Variants in GLRA3 observed in about 807,000 individuals in gnomAD.
GLRA3 encodes glycine receptor alpha 3.
GLRA3 carries 44 observed loss-of-function variants against 60.4 expected under a neutral mutation model. The observed-to-expected ratio is 0.73, with a 90% CI of 0.57 to 0.94. The LOEUF (loss-of-function observed/expected upper bound fraction) is 0.94. Ranked by LOEUF, GLRA3 falls within the 40% of genes least tolerant of loss-of-function variation. GLRA3 has a pLI of 0.00. For missense variants in GLRA3, 508 were observed against 564.6 expected (o/e 0.90, Z 1.02); for synonymous variants, 223 against 192.9 (o/e 1.16, Z -1.29).
rs137990129 is a variant in GLRA3, at chr4:174,684,557, T to C, written c.575-1618A>G. 2.8e-3 allele frequency among the ~76,000 whole-genome samples: 430 copies of C among 152,344 alleles called. 4 individuals are homozygous for C. Among genetic ancestry groups the C allele is most frequent in the Middle Eastern group, 6.8e-3 (2 of 294 alleles). ...CTCTGAGTGAGAAGCTATTGAAATG[T>C]ATGTTTAAAGACTACTGCACAAAAT... On this transcript the variant is annotated intron_variant, in intron 5 of 9. Transcript: ENST00000274093.
At chr4:174,798,681 T>C (rs1025748673) in intron 1 of GLRA3, among the ~76,000 whole-genome samples, 1 of 152,168 alleles carries the variant, frequency 6.6e-6, no homozygotes, top group Non-Finnish European at 1.5e-5. Flanking sequence ...TCCCAGCACT[T>C]TGGGAGGCCA....
chr4:174,750,254 A>G (rs930970446), intron 3 of GLRA3, among the ~76,000 whole-genome samples: 1 of 152,168 alleles, frequency 6.6e-6, no homozygotes, highest in Non-Finnish European at 1.5e-5. Context: ...TGATTGCTAT[A>G]GGTGTGTTTA....
At chr4:174,815,775 T>C (rs564211769) in intron 1 of GLRA3, among the ~76,000 whole-genome samples, 1 of 152,250 alleles carries the variant, frequency 6.6e-6, no homozygotes, top group South Asian at 2.1e-4. Context: ...CACAAAAACA[T>C]TGTTTCCTCC....
Position 174,681,360 on chromosome 4 carries a change from G to A in GLRA3, c.712+1442C>T, listed in dbSNP as rs184695263. On this transcript the variant is annotated intron_variant, in intron 6 of 9. Coordinates refer to ENST00000274093, the MANE Select transcript of GLRA3 (RefSeq NM_006529.4). ...CCTAAGATTCATGTCCACCCAGAATGTGTGAATGTGAACTGACTTGAAAAT... is the reference window on the plus strand; with the variant it reads ...CCTAAGATTCATGTCCACCCAGAATATGTGAATGTGAACTGACTTGAAAAT... Among the ~76,000 whole-genome samples, 134 of 152,264 alleles carry A rather than the reference G, an allele frequency of 8.8e-4. 1 individual carries two copies. Among genetic ancestry groups the A allele is most frequent in the Non-Finnish European group, 1.0e-3 (68 of 68,034 alleles).
chr4:174,788,884 G>A lies in GLRA3; in HGVS notation c.131C>T (p.Ser44Phe), dbSNP rs751264797. ...GCCCATTAATTTATCCAGAAAATCA[G>A]AAGGTGACATTGGAGCACTTCGAGA... is the stretch of plus-strand genomic sequence containing the variant. Reference protein sequence around the residue: ...ARSRSAPMSPSDFLDKLMGRT... With the variant: ...ARSRSAPMSPFDFLDKLMGRT... The change falls in exon 2 of 10, where the codon TCT (serine) becomes TTT (phenylalanine). Residue 44 changes from serine to phenylalanine, a missense_variant. Physicochemically the swap from Ser to Phe is radical, Grantham distance 155. Coordinates refer to ENST00000274093, the MANE Select transcript of GLRA3 (RefSeq NM_006529.4). 4 of 1,609,074 alleles carry A rather than the reference G, an allele frequency of 2.5e-6. No homozygotes were observed. The East Asian group carries it at 8.9e-5, about 36-fold the overall frequency.
chr4:174,821,750 A>G (rs1225781589), intron 1 of GLRA3, among the ~76,000 whole-genome samples: 2 of 152,168 alleles, frequency 1.3e-5, no homozygotes, highest in Non-Finnish European at 2.9e-5. Flanking sequence ...CAAAGAACCA[A>G]ACCCTTCTCT....
chr4:174,799,412 A>G (rs917930210), intron 1 of GLRA3, among the ~76,000 whole-genome samples: 25 of 152,208 alleles, frequency 1.6e-4, no homozygotes, highest in Admixed American at 1.5e-3. Flanking sequence ...AAGAAATTCG[A>G]AGGCAATCCC....
chr4:174,815,895 G>C (rs1331578294), intron 1 of GLRA3, among the ~76,000 whole-genome samples: 1 of 152,160 alleles, frequency 6.6e-6, no homozygotes, highest in Non-Finnish European at 1.5e-5. Context: ...CATTACTTAT[G>C]TAAATTTCTG....
intron 5 of GLRA3, among the ~76,000 whole-genome samples, chr4:174,699,830 GTTAATTA>G (rs571085171): frequency 6.7e-5 from 10 of 149,292 alleles, no homozygotes; most frequent in South Asian, 2.1e-4. Context: ...TAATTTATTT[GTTAATTA>G]TTAATTAATA....
At chr4:174,727,013 T>C (rs1485940) in intron 4 of GLRA3, among the ~76,000 whole-genome samples, 87,055 of 151,972 alleles carry the variant, frequency 0.57, 25,908 homozygotes, top group South Asian at 0.7. Flanking sequence ...GTTAATCACT[T>C]AAGATTATAT....
At chr4:174,654,736 T>C (rs567832295) in intron 9 of GLRA3, among the ~76,000 whole-genome samples, 2 of 152,194 alleles carry the variant, frequency 1.3e-5, no homozygotes, top group South Asian at 2.1e-4. Context: ...AGTAATGATA[T>C]CATACATGGG....
At chr4:174,676,921 G>C (rs1256355008) in intron 7 of GLRA3, among the ~76,000 whole-genome samples, 157 bp downstream of exon 7, 1 of 152,008 alleles carries the variant, frequency 6.6e-6, no homozygotes, top group Non-Finnish European at 1.5e-5. Flanking sequence ...ATTTATTTCT[G>C]TTTTACATGT....
At chr4:174,690,985 G>A (rs981219874) in intron 5 of GLRA3, among the ~76,000 whole-genome samples, 1 of 152,152 alleles carries the variant, frequency 6.6e-6, no homozygotes, top group Non-Finnish European at 1.5e-5. Flanking sequence ...ACATTCGTGT[G>A]CATGTGTCTT....
intron 3 of GLRA3, among the ~76,000 whole-genome samples, chr4:174,754,628 C>G (rs1207846495): frequency 1.3e-5 from 2 of 151,956 alleles, no homozygotes; most frequent in Non-Finnish European, 2.9e-5. Context: ...ATAAATGTAC[C>G]TTTGTAAGAA....
chr4:174,751,069 A>G (rs1737462455), intron 3 of GLRA3, among the ~76,000 whole-genome samples: 2 of 147,066 alleles, frequency 1.4e-5, no homozygotes, highest in African/African-American at 2.5e-5. Context: ...CTGTCTATCT[A>G]TCTATCTATC....
intron 5 of GLRA3, among the ~76,000 whole-genome samples, chr4:174,714,248 A>G (rs1322259488): frequency 6.6e-6 from 1 of 152,156 alleles, no homozygotes; most frequent in Admixed American, 6.5e-5. Context: ...GGTCCCGCAC[A>G]TTTTAAACTC....
intron 5 of GLRA3, among the ~76,000 whole-genome samples, chr4:174,692,317 G>C (rs897596650): frequency 6.8e-6 from 1 of 146,850 alleles, no homozygotes. Flanking sequence ...GAGGGAGGTG[G>C]GGGGGTCAGC....
At chr4:174,701,033 T>C (rs895031079) in intron 5 of GLRA3, among the ~76,000 whole-genome samples, 10 of 152,148 alleles carry the variant, frequency 6.6e-5, no homozygotes, top group African/African-American at 2.2e-4. Flanking sequence ...TTGATGAAGG[T>C]GGACACATTA....
chr4:174,784,806 A>G (rs998198332), intron 2 of GLRA3, among the ~76,000 whole-genome samples: 1 of 152,138 alleles, frequency 6.6e-6, no homozygotes, highest in Admixed American at 6.6e-5. Flanking sequence ...AATAGGACTA[A>G]GATATAATAG....
Sources: allele counts gnomAD v4.1 joint callset (sites outside exome capture counted in the v4.1 genomes callset), GRCh38; gene constraint gnomAD v4.1.1; transcripts MANE v1.5; gene names NCBI Gene and HGNC (gene_info 2026-07-23, HGNC 2026-07-21).